N4BP2L1: variants seen among roughly 807,000 people sequenced by gnomAD.
The protein encoded by N4BP2L1 is NEDD4-binding protein 2-like 1.
A neutral mutation model predicts 21.2 loss-of-function variants in N4BP2L1; 12 were observed. The observed-to-expected ratio is 0.57, with a 90% CI of 0.36 to 0.92. The LOEUF is 0.92. N4BP2L1 is among the 40% of genes least tolerant of loss of function. The probability of loss-of-function intolerance (pLI) is 0.01; values close to 1 mark genes in which losing one functional copy is unlikely to be tolerated. For synonymous variants in N4BP2L1, 104 were observed against 112.8 expected (o/e 0.92, Z 0.49); for missense variants, 259 against 310.6 (o/e 0.83, Z 1.25).
intron 1 of N4BP2L1, among the ~76,000 whole-genome samples, chr13:32,413,163 TG>T (rs1479666623): frequency 6.6e-6 from 1 of 152,164 alleles, no homozygotes; most frequent in Non-Finnish European, 1.5e-5. Context: ...TGACCTCAGG[TG>T]ATCCACCTGC....
At chr13:32,428,272 G>T, upstream of N4BP2L1, 1 of 451,306 alleles carries the variant, frequency 2.2e-6, no homozygotes, top group South Asian at 7.7e-5. Context: ...GGAAAGCTGG[G>T]GACGCTGGGA....
At chr13:32,410,999 C>T (rs2073826934) in intron 1 of N4BP2L1, among the ~76,000 whole-genome samples, 1 of 152,032 alleles carries the variant, frequency 6.6e-6, no homozygotes, top group Non-Finnish European at 1.5e-5. Context: ...CTCTTGTTTT[C>T]CTCTTTGTGG....
chr13:32,412,344 A>T (rs1566310059), intron 1 of N4BP2L1, among the ~76,000 whole-genome samples: 2 of 152,172 alleles, frequency 1.3e-5, no homozygotes, highest in Middle Eastern at 3.4e-3. Flanking sequence ...AGTAAATTGC[A>T]GGCCGGGCGC....
At chr13:32,414,673 AAAGAG>A (rs2074032472) in intron 1 of N4BP2L1, among the ~76,000 whole-genome samples, 1 of 152,222 alleles carries the variant, frequency 6.6e-6, no homozygotes, top group African/African-American at 2.4e-5. Context: ...AGCAGTGAAC[AAAGAG>A]CTTGGCATAT....
intron 1 of N4BP2L1, among the ~76,000 whole-genome samples, chr13:32,412,401 C>T (rs181500809): frequency 5.3e-5 from 8 of 152,008 alleles, no homozygotes; most frequent in East Asian, 1.9e-4. Context: ...CCAAGACGGG[C>T]GGATCACTTG....
chr13:32,408,137 C>T (rs1469731484), intron 1 of N4BP2L1, among the ~76,000 whole-genome samples: 3 of 152,280 alleles, frequency 2.0e-5, no homozygotes, highest in Admixed American at 6.5e-5. Context: ...CATTCCTCTC[C>T]GAGGCACCAG....
chr13:32,402,962 C>T lies in N4BP2L1; in HGVS notation c.712G>A (p.Gly238Ser), dbSNP rs149135496. ...GGCCTCTAATATCCATGGTGACAAC[C>T]GCCCCTTCTGTGATAGGAGCTCTCA... is the stretch of plus-strand genomic sequence containing the variant. ...TNESSYHRRG[G>S]CHHGY The change falls in exon 5 of 5, where the codon GGT becomes AGT. Residue 238 changes from glycine to serine, a missense_variant. Physicochemically the swap from Gly to Ser is moderately conservative, Grantham distance 56. Around this residue, in one of 3 missense-constraint regions of N4BP2L1, gnomAD observed 108 missense variants for 107.8 expected, o/e 1.00. Transcript: ENST00000380130. 3,218 of 1,608,364 alleles carry T rather than the reference C, an allele frequency of 2.0e-3. 20 individuals are homozygous for T. Among genetic ancestry groups the T allele is most frequent in the Non-Finnish European group, 1.8e-3 (2,112 of 1,176,182 alleles).
chr13:32,427,790 AC>A, intron 1 of N4BP2L1, 113 bp downstream of exon 1: 2 of 569,230 alleles, frequency 3.5e-6, no homozygotes, highest in Non-Finnish European at 5.0e-6. Context: ...CGCGGCAGGC[AC>A]CCGCGGCGGG....
intron 3 of N4BP2L1, among the ~76,000 whole-genome samples, chr13:32,406,204 C>T (rs1261324298): frequency 6.6e-6 from 1 of 151,786 alleles, no homozygotes; most frequent in Non-Finnish European, 1.5e-5. Flanking sequence ...CCACCGCACC[C>T]GGCCTTCCTG....
At chr13:32,413,630 C>A (rs2073976379) in intron 1 of N4BP2L1, among the ~76,000 whole-genome samples, 1 of 152,098 alleles carries the variant, frequency 6.6e-6, no homozygotes, top group Non-Finnish European at 1.5e-5. Flanking sequence ...GGGGACAAAA[C>A]TGTGAGCCCA....
chr13:32,427,934 A>G lies in N4BP2L1; in HGVS notation c.149T>C (p.Leu50Pro). 1 of 1,524,348 alleles carries G rather than the reference A, an allele frequency of 6.6e-7. No homozygotes were observed. Among genetic ancestry groups the G allele is most frequent in the Non-Finnish European group, 8.8e-7 (1 of 1,134,834 alleles). The allele number at this position is 1,524,348 out of a possible 1,614,324, so 94.4% of individuals were successfully genotyped here. A position where few individuals can be genotyped will look rare whatever the true frequency, so the allele number is the denominator to read the frequency against. Residue 50 changes from leucine (L) to proline (P), a missense_variant, in exon 1 of 5, where the codon CTC becomes CCC. Coordinates refer to ENST00000380130, the MANE Select transcript of N4BP2L1 (RefSeq NM_052818.3). Reference protein sequence around the residue: ...FRKHLYLLRGLPGSGKTTLAR... With the variant: ...FRKHLYLLRGPPGSGKTTLAR... Reference sequence around the variant, plus strand: ...CAGTGTAGTTTTCCCGGAGCCCGGGAGGCCTCGCAGGAGGTAGAGGTGTTT... The same window carrying G: ...CAGTGTAGTTTTCCCGGAGCCCGGGGGGCCTCGCAGGAGGTAGAGGTGTTT...
intron 3 of N4BP2L1, among the ~76,000 whole-genome samples, chr13:32,405,688 T>C (rs2073435042): frequency 6.6e-6 from 1 of 152,226 alleles, no homozygotes; most frequent in South Asian, 2.1e-4. Flanking sequence ...CTTCCTTACA[T>C]TCACCAAAGC....
intron 1 of N4BP2L1, among the ~76,000 whole-genome samples, chr13:32,415,046 A>G (rs2074052080): frequency 6.6e-6 from 1 of 152,228 alleles, no homozygotes; most frequent in African/African-American, 2.4e-5. Flanking sequence ...CAGTTAGTGG[A>G]TTTCTAACAG....
chr13:32,427,768 TG>T, intron 1 of N4BP2L1, 135 bp downstream of exon 1: 1 of 388,366 alleles, frequency 2.6e-6, no homozygotes, highest in Non-Finnish European at 4.0e-6. Context: ...GGGCTGGGGC[TG>T]GGGCCGGGGC....
intron 1 of N4BP2L1, among the ~76,000 whole-genome samples, chr13:32,423,247 T>C (rs1566351615): frequency 6.6e-6 from 1 of 152,230 alleles, no homozygotes; most frequent in Admixed American, 6.5e-5. Context: ...GTACTTCTCA[T>C]GATGGAAAAT....
At chr13:32,419,359 C>T (rs1593294501) in intron 1 of N4BP2L1, 1 of 419,278 alleles carries the variant, frequency 2.4e-6, no homozygotes, top group East Asian at 7.9e-5. Flanking sequence ...GATTCTCCTG[C>T]CTCAGCCTCT....
intron 1 of N4BP2L1, chr13:32,420,486 T>C (rs933518102): frequency 3.9e-5 from 6 of 152,248 alleles, no homozygotes; most frequent in Admixed American, 2.0e-4. Flanking sequence ...GCTGCTTAAA[T>C]GGGAAGGCGG....
chr13:32,425,091 T>C (rs1219613885), intron 1 of N4BP2L1: 4 of 152,322 alleles, frequency 2.6e-5, no homozygotes, highest in East Asian at 1.9e-4. Context: ...ATACAGAGAA[T>C]AGAGAAAATG....
chr13:32,422,222 A>T (rs182654726), intron 1 of N4BP2L1, among the ~76,000 whole-genome samples: 1 of 152,234 alleles, frequency 6.6e-6, no homozygotes, highest in East Asian at 1.9e-4. Context: ...TTACCCTGAC[A>T]ATTGAAATCC....
Sources: allele counts gnomAD v4.1 joint callset (sites outside exome capture counted in the v4.1 genomes callset), GRCh38; gene constraint gnomAD v4.1.1; regional missense constraint gnomAD v4.1.1; transcripts MANE v1.5; gene names NCBI Gene and HGNC (gene_info 2026-07-23, HGNC 2026-07-21).